The following TRIM2 variants were observed in gnomAD, a reference collection of about 807,000 sequenced individuals.
TRIM2 encodes the protein tripartite motif containing 2, also known as tripartite motif-containing protein 2.
In TRIM2, 20 loss-of-function variants were observed where a neutral mutation model predicts 75.2. The observed-to-expected ratio is 0.27, with a 90% CI of 0.19 to 0.39. The LOEUF is 0.39. Among genes scored for constraint, TRIM2 ranks in the 10% least tolerant of loss-of-function variants. The pLI is 1.00. For missense variants in TRIM2, 660 were observed against 990.8 expected (o/e 0.67, Z 4.48); for synonymous variants, 373 against 388.3 (o/e 0.96, Z 0.46).
intron 1 of TRIM2, among the ~76,000 whole-genome samples, chr4:153,216,463 G>A (rs1738498100): frequency 6.6e-6 from 1 of 152,156 alleles, no homozygotes; most frequent in Non-Finnish European, 1.5e-5. Context: ...CAACTTTCAT[G>A]ATATTCTGTT....
intron 11 of TRIM2, among the ~76,000 whole-genome samples, chr4:153,330,762 T>C (rs567456886): frequency 1.3e-5 from 2 of 152,304 alleles, no homozygotes; most frequent in East Asian, 1.9e-4. Flanking sequence ...CCATACTTCA[T>C]AGTAAAAGAC....
chr4:153,279,296 G>A (rs1030668480), intron 3 of TRIM2, among the ~76,000 whole-genome samples: 3 of 152,168 alleles, frequency 2.0e-5, no homozygotes, highest in Non-Finnish European at 4.4e-5. Flanking sequence ...TAGATCGTGA[G>A]AACTTCAGCA....
In TRIM2 at chr4:153,295,599, C is replaced by T. The variant is rs756377335; in HGVS notation, c.1073C>T (p.Thr358Met). 33 of 1,613,758 alleles carry T rather than the reference C, an allele frequency of 2.0e-5. No individual in the cohort carries two copies. The highest frequency in any genetic ancestry group is 3.3e-5 in the South Asian group (3 of 91,050). ...GCCGTTGCCTCAGAGACAGTGGCCA[C>T]GGGCGAGGGGCTGCGGCAGACCATC... The part of the protein sequence containing the change: ...TNAVASETVA[T>M]GEGLRQTIIG... The change falls in exon 6 of 12, where the codon ACG (threonine) becomes ATG (methionine). Residue 358 changes from threonine (T) to methionine (M), a missense_variant. By Grantham distance (81) the Thr-to-Met change is moderately conservative. Coordinates refer to ENST00000338700, the MANE Select transcript of TRIM2 (RefSeq NM_015271.5). This position sits in a 1 kb window ranked among gnomAD's most constrained non-coding sequence, Gnocchi z 7.2.
At chr4:153,287,255 C>A (rs1760854209) in intron 3 of TRIM2, among the ~76,000 whole-genome samples, 1 of 152,212 alleles carries the variant, frequency 6.6e-6, no homozygotes, top group Non-Finnish European at 1.5e-5. Flanking sequence ...ACTGGGATTA[C>A]AGGCATGAGC....
At chr4:153,244,319 CTCTTCTTCTTCTTCT>C (rs1311888983) in intron 1 of TRIM2, among the ~76,000 whole-genome samples, 1 of 21,136 alleles carries the variant, frequency 4.7e-5, no homozygotes, top group Non-Finnish European at 7.8e-5. Flanking sequence ...CCTCCTCCTC[CTCTTCTTCTTCTTCT>C]TCTTCTTCTT....
chr4:153,292,897 G>C, intron 3 of TRIM2, 85 bp from the exon 4 acceptor site: 1 of 1,280,392 alleles, frequency 7.8e-7, no homozygotes, highest in Non-Finnish European at 1.0e-6. Flanking sequence ...ATTTAATTAT[G>C]AGAGACTGCA....
chr4:153,305,368 G>T (rs1013837150), intron 6 of TRIM2, among the ~76,000 whole-genome samples: 2 of 152,160 alleles, frequency 1.3e-5, no homozygotes, highest in Non-Finnish European at 2.9e-5. Context: ...TTTTAGAGAG[G>T]CAAAGTAGGT....
At chr4:153,164,402 C>T (rs1234323652) in intron 1 of TRIM2, among the ~76,000 whole-genome samples, 1 of 152,186 alleles carries the variant, frequency 6.6e-6, no homozygotes, top group African/African-American at 2.4e-5. Flanking sequence ...AAGAGGCTTC[C>T]TCCCTAAAGA....
rs1560873936 is a variant in TRIM2 at position 153,244,328 on chromosome 4, TTCTTCTTCTTCTTCTTCTTCTTCTTCC to T, written c.31-25980_31-25954del. Among the ~76,000 whole-genome samples, 143 of 22,564 alleles carry T rather than the reference TTCTTCTTCTTCTTCTTCTTCTTCTTCC, an allele frequency of 6.3e-3. 9 individuals carry two copies. Among genetic ancestry groups the T allele is most frequent in the Non-Finnish European group, 7.8e-3 (112 of 14,360 alleles). 14.8% of individuals were successfully genotyped at this position (22,564 alleles called of 152,430 possible). On this transcript the variant is annotated intron_variant, in intron 1 of 11. Coordinates refer to ENST00000338700, the MANE Select transcript of TRIM2 (RefSeq NM_015271.5). ...CCTCCTCCTCCTCCTCCTCTTCTTCTTCTTCTTCTTCTTCTTCTTCTTCTTCCTCTTCTTCTTCTTCTTCTTCTTCTT... is the reference window on the plus strand; with the variant it reads ...CCTCCTCCTCCTCCTCCTCTTCTTCTTCTTCTTCTTCTTCTTCTTCTTCTT...
Position 153,276,044 on chromosome 4 carries a change from A to T in TRIM2, c.367A>T (p.Ser123Cys), listed in dbSNP as rs778183525. The change falls in exon 3 of 12, where the codon AGC (serine) becomes TGC (cysteine). Residue 123 changes from serine to cysteine, a missense_variant. Physicochemically the swap from Ser to Cys is moderately radical, Grantham distance 112. Transcript: ENST00000338700. Reference sequence around the variant, plus strand: ...GGACGTGCTGCAGCGAACTCCAGGCAGCAACGCTGAGGAGTCTTCCATCCT... The same window carrying T: ...GGACGTGCTGCAGCGAACTCCAGGCTGCAACGCTGAGGAGTCTTCCATCCT... ...LMDVLQRTPGSNAEESSILET... is the reference protein window; with the variant it reads ...LMDVLQRTPGCNAEESSILET... The T allele has an allele frequency of 5.0e-6, 8 of 1,614,138 alleles. No homozygotes were observed. In the East Asian group the frequency reaches 1.6e-4, roughly 31 times the overall value.
chr4:153,200,664 G>A (rs1433421991), upstream of TRIM2, among the ~76,000 whole-genome samples: 2 of 147,908 alleles, frequency 1.4e-5, no homozygotes, highest in African/African-American at 5.0e-5. Context: ...ATGTACCAGG[G>A]TTCTTGTTTC....
intron 1 of TRIM2, among the ~76,000 whole-genome samples, chr4:153,221,255 A>G (rs1241213828): frequency 1.3e-5 from 2 of 152,184 alleles, no homozygotes; most frequent in African/African-American, 2.4e-5. Flanking sequence ...AAGCCCACAC[A>G]TATTATATGA....
intron 1 of TRIM2, among the ~76,000 whole-genome samples, chr4:153,166,723 TC>T (rs1412804384): frequency 1.3e-5 from 2 of 152,126 alleles, no homozygotes; most frequent in African/African-American, 2.4e-5. Flanking sequence ...GATGTATTTT[TC>T]TTTAATGGGA....
chr4:153,252,173 A>G (rs1292991625), intron 1 of TRIM2, among the ~76,000 whole-genome samples: 1 of 152,224 alleles, frequency 6.6e-6, no homozygotes, highest in African/African-American at 2.4e-5. Flanking sequence ...AAATGATTGC[A>G]TTAGGCAGCG....
At chr4:153,193,375 C>T (rs1733427280) in intron 1 of TRIM2, among the ~76,000 whole-genome samples, 1 of 152,144 alleles carries the variant, frequency 6.6e-6, no homozygotes, top group African/African-American at 2.4e-5. Flanking sequence ...TCGTGATCCG[C>T]CCGCCTTGTC....
chr4:153,169,581 T>C (rs976627946), intron 1 of TRIM2, among the ~76,000 whole-genome samples: 24 of 152,322 alleles, frequency 1.6e-4, no homozygotes, highest in African/African-American at 5.8e-4. Flanking sequence ...TGTAAATATA[T>C]ACAACTGTAT....
At position 153,280,513 on chromosome 4, in the gene TRIM2, T is replaced by A. The variant is rs368335803; in HGVS notation, c.453+4383T>A. ...GATACCCCTGTCTCAGCCTCCAGAG[T>A]AGCTGGGACTACAGGAACATGCTAC... On this transcript the variant is annotated intron_variant, in intron 3 of 11. Coordinates refer to ENST00000338700, the MANE Select transcript of TRIM2 (RefSeq NM_015271.5). 3.8e-4 allele frequency among the ~76,000 whole-genome samples: 57 copies of A among 150,884 alleles called. No homozygotes were observed. The East Asian group carries it at 6.8e-3, about 18-fold the overall frequency.
At chr4:153,317,968 A>T (rs185752960) in intron 8 of TRIM2, among the ~76,000 whole-genome samples, 73 of 152,328 alleles carry the variant, frequency 4.8e-4, no homozygotes, top group African/African-American at 1.7e-3. Flanking sequence ...TCAAAAGAAA[A>T]AAAAGACCTA....
intron 1 of TRIM2, among the ~76,000 whole-genome samples, chr4:153,208,715 A>G (rs1195902445): frequency 6.6e-6 from 1 of 152,136 alleles, no homozygotes; most frequent in Non-Finnish European, 1.5e-5. Flanking sequence ...GAGAATGGAA[A>G]GCTAGAACAT....
Sources: gnomAD v4.1 joint callset for allele counts (sites outside exome capture counted in the v4.1 genomes callset) on GRCh38, gnomAD v4.1.1 for gene constraint, Gnocchi (gnomAD v3.1) non-coding constraint, MANE v1.5 for transcripts, NCBI Gene and HGNC (gene_info 2026-07-23, HGNC 2026-07-21) for gene names.